The following EGLN3 variants were observed in gnomAD, a reference collection of about 807,000 sequenced individuals.
EGLN3 encodes the protein egl-9 family hypoxia inducible factor 3, also known as prolyl hydroxylase EGLN3.
Under a neutral mutation model 26.0 loss-of-function variants are expected in EGLN3, and 15 were observed. That is an observed-to-expected ratio of 0.58 (90% CI 0.39 to 0.89). The LOEUF (loss-of-function observed/expected upper bound fraction) is 0.89. EGLN3 is among the 40% of genes least tolerant of loss of function. The pLI is 0.00. For missense variants in EGLN3, 238 were observed against 311.6 expected (o/e 0.76, Z 1.78); for synonymous variants, 147 against 127.2 (o/e 1.16, Z -1.05).
intron 1 of EGLN3, among the ~76,000 whole-genome samples, chr14:33,934,144 G>T (rs183543268): frequency 1.3e-5 from 2 of 151,872 alleles, no homozygotes; most frequent in Non-Finnish European, 2.9e-5. Flanking sequence ...CACATTTACC[G>T]CTCTGTCCAC....
chr14:33,938,021 G>T (rs1270984258), intron 1 of EGLN3, among the ~76,000 whole-genome samples: 1 of 152,146 alleles, frequency 6.6e-6, no homozygotes, highest in Non-Finnish European at 1.5e-5. Flanking sequence ...TACCCAGAGC[G>T]TGGAAGCATC....
intron 1 of EGLN3, among the ~76,000 whole-genome samples, chr14:33,939,208 CTT>C (rs71433637): frequency 7.6e-6 from 1 of 131,044 alleles, no homozygotes; most frequent in Non-Finnish European, 1.7e-5. Context: ...AAACAATCAT[CTT>C]TTTTTTTTTT....
At chr14:33,943,659 A>T (rs1222600421) in intron 1 of EGLN3, among the ~76,000 whole-genome samples, 1 of 152,234 alleles carries the variant, frequency 6.6e-6, no homozygotes, top group East Asian at 1.9e-4. Flanking sequence ...CATGGCCCAC[A>T]GGTGAGCAGC....
intron 1 of EGLN3, among the ~76,000 whole-genome samples, chr14:33,937,136 C>T (rs1454445251): frequency 1.3e-5 from 2 of 152,150 alleles, no homozygotes; most frequent in Admixed American, 1.3e-4. Context: ...AAGAAAATGT[C>T]ACTGCAAAAG....
chr14:33,938,735 C>T (rs961644073), intron 1 of EGLN3, among the ~76,000 whole-genome samples: 1 of 152,220 alleles, frequency 6.6e-6, no homozygotes, highest in Non-Finnish European at 1.5e-5. Flanking sequence ...TTAACAGCTG[C>T]TGTTTCCTGA....
intron 1 of EGLN3, among the ~76,000 whole-genome samples, chr14:33,945,881 A>C (rs1383282066): frequency 6.6e-6 from 1 of 152,230 alleles, no homozygotes; most frequent in Non-Finnish European, 1.5e-5. Context: ...GTTATTGCTC[A>C]ACAGCAAGGA....
intron 1 of EGLN3, among the ~76,000 whole-genome samples, chr14:33,942,382 C>A (rs2064489807): frequency 6.6e-6 from 1 of 151,904 alleles, no homozygotes; most frequent in Non-Finnish European, 1.5e-5. Context: ...CCTTCTCTAG[C>A]AATACTGCAT....
At position 33,924,641 on chromosome 14, in the gene EGLN3, G is replaced by A. The variant is rs2064347921; in HGVS notation, c.*1250C>T. 1 of 152,098 alleles carries A rather than the reference G, an allele frequency of 6.6e-6. No individual in the cohort carries two copies. Among genetic ancestry groups the A allele is most frequent in the South Asian group, 2.1e-4 (1 of 4,824 alleles). The allele number at this position is 152,098 out of a possible 1,614,324, so 9.4% of individuals were successfully genotyped here. ...TTAAAGGGATTTTTAAAACATGAAAGTAATACTGAAAACTAGGAAAAGTAG... is the reference window on the plus strand; with the variant it reads ...TTAAAGGGATTTTTAAAACATGAAAATAATACTGAAAACTAGGAAAAGTAG... On this transcript the variant is annotated 3_prime_UTR_variant, in exon 5 of 5. Transcript: ENST00000250457.
chr14:33,935,248 T>A (rs1177522653), intron 1 of EGLN3, among the ~76,000 whole-genome samples: 3 of 152,204 alleles, frequency 2.0e-5, no homozygotes, highest in Non-Finnish European at 2.9e-5. Flanking sequence ...TAGCTATTTT[T>A]AAAGATGATG....
intron 3 of EGLN3, 119 bp from the exon 4 acceptor site, chr14:33,927,152 GATTT>G (rs59342816): frequency 0.018 from 3,361 of 182,814 alleles, 45 homozygotes; most frequent in Non-Finnish European, 0.025. Context: ...AGTCTACCCT[GATTT>G]ATTTATTTAT....
In EGLN3 at chr14:33,950,030, G is replaced by A. The variant is rs962643062; in HGVS notation, c.357+366C>T. The A allele has an allele frequency of 1.7e-5, 9 of 528,066 alleles. No individual in the cohort carries two copies. The African/African-American group carries it at 1.7e-4, about 10-fold the overall frequency. 32.7% of individuals were successfully genotyped at this position (528,066 alleles called of 1,614,324 possible). A position where few individuals can be genotyped will look rare whatever the true frequency, so the allele number is the denominator to read the frequency against. The stretch of plus-strand genomic sequence containing the variant: ...TAAAGTAGGCATTTAAGATCATGAG[G>A]ACACGTGTGTCTCAGATGATACACA... On this transcript the variant is annotated intron_variant, in intron 1 of 4. Coordinates refer to ENST00000250457, the MANE Select transcript of EGLN3 (RefSeq NM_022073.4).
Position 33,950,618 on chromosome 14 carries a change from C to G in EGLN3, c.135G>C (p.Glu45Asp). 6.2e-7 allele frequency: 1 copy of G among 1,613,780 alleles called. No homozygotes were observed. Residue 45 changes from glutamate (E) to aspartate (D), a missense_variant, in exon 1 of 5, where the codon GAG becomes GAC. By Grantham distance (45) the Glu-to-Asp change is conservative. Transcript: ENST00000250457. ...CGGTGCAGTGCAGCTGCTTGACGCG[C>G]TCCAGGACGCAGTCGCCCACCACCT... ...LGEVVGDCVL[E>D]RVKQLHCTGA...
intron 2 of EGLN3, 73 bp downstream of exon 2, chr14:33,931,023 T>G (rs2064399286): frequency 6.3e-7 from 1 of 1,586,686 alleles, no homozygotes; most frequent in African/African-American, 1.3e-5. Flanking sequence ...CAATATAAAC[T>G]CTCCTCTAAG....
At chr14:33,932,090 C>T (rs548750914) in intron 1 of EGLN3, among the ~76,000 whole-genome samples, 44 of 152,184 alleles carry the variant, frequency 2.9e-4, no homozygotes, top group South Asian at 2.7e-3. Flanking sequence ...CACAGGATAC[C>T]GCCATGTTTG....
intron 1 of EGLN3, 24 bp downstream of exon 1, chr14:33,950,372 G>A: frequency 6.8e-6 from 11 of 1,609,216 alleles, no homozygotes; most frequent in Non-Finnish European, 9.3e-6. Flanking sequence ...GAGCAGCTGC[G>A]GCAGGGCGCC....
rs1156257662 is a variant in EGLN3 at position 33,924,616 on chromosome 14, T to G, written c.*1275A>C. 2.6e-5 allele frequency: 4 copies of G among 151,934 alleles called. No individual in the cohort carries two copies. Among genetic ancestry groups the G allele is most frequent in the Non-Finnish European group, 5.9e-5 (4 of 67,992 alleles). The allele number at this position is 151,934 out of a possible 1,614,324, so 9.4% of individuals were successfully genotyped here. ...GTTCATGGGATTTTCAAGCAAGAAA[T>G]TAAAGGGATTTTTAAAACATGAAAG... is the stretch of plus-strand genomic sequence containing the variant. On this transcript the variant is annotated 3_prime_UTR_variant, in exon 5 of 5. Transcript: ENST00000250457.
intron 2 of EGLN3, among the ~76,000 whole-genome samples, chr14:33,929,637 C>T (rs960961243): frequency 1.3e-5 from 2 of 152,232 alleles, no homozygotes; most frequent in Admixed American, 6.5e-5. Flanking sequence ...TAGGCATGAG[C>T]CACCACGCCC....
At position 33,950,456 on chromosome 14, in the gene EGLN3, G is replaced by A. The variant is rs377351327; in HGVS notation, c.297C>T (p.Asp99=). The change falls in exon 1 of 5, where the codon GAC becomes GAT. Residue 99 remains aspartate (D), a synonymous_variant. Coordinates refer to ENST00000250457, the MANE Select transcript of EGLN3 (RefSeq NM_022073.4). ...EAISFLLSLI[D]RLVLYCGSRL... ...GGCTCCCGCAGTAGAGGACCAGCCT[G>A]TCGATGAGGGACAGGAGGAAGCTGA... 4.3e-6 allele frequency: 7 copies of A among 1,613,514 alleles called. No individual in the cohort carries two copies. The highest frequency in any genetic ancestry group is 5.9e-6 in the Non-Finnish European group (7 of 1,180,038).
At chr14:33,940,488 C>T (rs907564237) in intron 1 of EGLN3, among the ~76,000 whole-genome samples, 2 of 151,994 alleles carry the variant, frequency 1.3e-5, no homozygotes, top group Admixed American at 1.3e-4. Context: ...CCATCCCTAT[C>T]TAATCTCTTC....
Sources: allele counts gnomAD v4.1 joint callset (sites outside exome capture counted in the v4.1 genomes callset), GRCh38; gene constraint gnomAD v4.1.1; transcripts MANE v1.5; gene names NCBI Gene and HGNC (gene_info 2026-07-23, HGNC 2026-07-21).